The following ZBTB20 variants were observed in gnomAD, a reference collection of about 807,000 sequenced individuals.
ZBTB20 encodes zinc finger and BTB domain-containing protein 20.
In ZBTB20, 9 loss-of-function variants were observed where a neutral mutation model predicts 56.9. The observed-to-expected ratio is 0.16, with a 90% CI of 0.10 to 0.28. ZBTB20 has a LOEUF of 0.28. Among genes scored for constraint, ZBTB20 ranks in the 10% least tolerant of loss-of-function variants. The pLI is 1.00. For synonymous variants in ZBTB20, 417 were observed against 420.7 expected (o/e 0.99, Z 0.11); for missense variants, 655 against 1,003.0 (o/e 0.65, Z 4.69).
At chr3:114,784,678 TA>T (rs1174992803) in intron 5 of ZBTB20, among the ~76,000 whole-genome samples, 1 of 152,198 alleles carries the variant, frequency 6.6e-6, no homozygotes, top group Non-Finnish European at 1.5e-5. Flanking sequence ...TATTAACTTG[TA>T]AAGTTATTGA....
At chr3:114,934,166 C>T (rs2076453077) in intron 3 of ZBTB20, among the ~76,000 whole-genome samples, 1 of 152,166 alleles carries the variant, frequency 6.6e-6, no homozygotes, top group Admixed American at 6.5e-5. Flanking sequence ...AAACCCTACA[C>T]CTATGGATCT....
chr3:114,506,657 C>T (rs1393539619), intron 6 of ZBTB20, among the ~76,000 whole-genome samples: 2 of 152,064 alleles, frequency 1.3e-5, no homozygotes, highest in African/African-American at 4.8e-5. Flanking sequence ...GATTGATGTA[C>T]CAGGACCTTT....
At chr3:114,590,129 A>G (rs2055590777) in intron 6 of ZBTB20, among the ~76,000 whole-genome samples, 1 of 152,208 alleles carries the variant, frequency 6.6e-6, no homozygotes, top group African/African-American at 2.4e-5. Flanking sequence ...GCACTGAACA[A>G]TAAGCTTTAA....
At chr3:114,728,166 G>A (rs2065445876) in intron 5 of ZBTB20, among the ~76,000 whole-genome samples, 2 of 152,138 alleles carry the variant, frequency 1.3e-5, no homozygotes, top group African/African-American at 2.4e-5. Flanking sequence ...AAATTCCTAG[G>A]AGGTCCCAAT....
intron 7 of ZBTB20, among the ~76,000 whole-genome samples, chr3:114,437,709 A>C (rs1008234225): frequency 6.6e-6 from 1 of 152,122 alleles, no homozygotes; most frequent in African/African-American, 2.4e-5. Flanking sequence ...CAAAATATTT[A>C]TTTATATGTA....
intron 5 of ZBTB20, among the ~76,000 whole-genome samples, chr3:114,774,372 G>T (rs990910707): frequency 6.6e-6 from 1 of 152,082 alleles, no homozygotes; most frequent in Non-Finnish European, 1.5e-5. Context: ...CTTCCCTTTT[G>T]TCTTCCATGG....
intron 4 of ZBTB20, among the ~76,000 whole-genome samples, chr3:114,802,858 G>A (rs2071820143): frequency 6.6e-6 from 1 of 151,826 alleles, no homozygotes; most frequent in Non-Finnish European, 1.5e-5. Context: ...GACGTGAAAA[G>A]GTGATAGAAA....
intron 7 of ZBTB20, among the ~76,000 whole-genome samples, chr3:114,407,122 C>A (rs1336936022): frequency 6.6e-6 from 1 of 152,136 alleles, no homozygotes; most frequent in Non-Finnish European, 1.5e-5. Flanking sequence ...CGTCACTGTC[C>A]CAGTTTTTCA....
chr3:114,488,877 T>C (rs1374142835), intron 7 of ZBTB20, among the ~76,000 whole-genome samples: 1 of 152,198 alleles, frequency 6.6e-6, no homozygotes, highest in Non-Finnish European at 1.5e-5. Context: ...GCAACGTTGT[T>C]GTCAAAAGAT....
At chr3:115,050,265 C>T (rs118034840) in intron 2 of ZBTB20, among the ~76,000 whole-genome samples, 2 of 151,942 alleles carry the variant, frequency 1.3e-5, no homozygotes, top group East Asian at 3.9e-4. Flanking sequence ...TGAAAATTAA[C>T]ATTAGTAAAT....
intron 6 of ZBTB20, among the ~76,000 whole-genome samples, chr3:114,629,749 G>C (rs1004228889): frequency 2.0e-5 from 3 of 152,022 alleles, no homozygotes; most frequent in African/African-American, 7.3e-5. Flanking sequence ...GGCCCTGTTT[G>C]GATACAGAGA....
At chr3:114,789,293 G>A (rs2070771937) in intron 5 of ZBTB20, among the ~76,000 whole-genome samples, 1 of 152,154 alleles carries the variant, frequency 6.6e-6, no homozygotes, top group Non-Finnish European at 1.5e-5. Context: ...TGTCTGGTTA[G>A]AGAAGCAGTC....
intron 10 of ZBTB20, among the ~76,000 whole-genome samples, chr3:114,365,438 TG>T (rs2108373189): frequency 6.6e-6 from 1 of 152,350 alleles, no homozygotes; most frequent in Non-Finnish European, 1.5e-5. Flanking sequence ...CTTGTTTCCC[TG>T]GGCCAGCTCT....
intron 10 of ZBTB20, 135 bp downstream of exon 10, chr3:114,380,082 G>C: frequency 1.1e-6 from 1 of 929,796 alleles, no homozygotes; most frequent in East Asian, 2.8e-5. Context: ...GAATGAAAAT[G>C]GTGGCACATT....
At chr3:115,074,483 A>G (rs2082525065) in intron 1 of ZBTB20, among the ~76,000 whole-genome samples, 1 of 152,208 alleles carries the variant, frequency 6.6e-6, no homozygotes, top group African/African-American at 2.4e-5. Flanking sequence ...ACACTGTGCT[A>G]CTAGAATTAG....
intron 5 of ZBTB20, among the ~76,000 whole-genome samples, chr3:114,704,482 G>A (rs768010421): frequency 6.6e-6 from 1 of 151,972 alleles, no homozygotes; most frequent in Admixed American, 6.6e-5. Context: ...AACCATGCAG[G>A]TGCATAAATA....
At chr3:114,689,048 AT>A (rs1345324569) in intron 6 of ZBTB20, among the ~76,000 whole-genome samples, 1 of 152,142 alleles carries the variant, frequency 6.6e-6, no homozygotes, top group East Asian at 1.9e-4. Flanking sequence ...ATAAGTGAAG[AT>A]TTCTTTCGTT....
At chr3:114,734,095 TTG>T (rs2108556372) in intron 5 of ZBTB20, among the ~76,000 whole-genome samples, 1 of 152,102 alleles carries the variant, frequency 6.6e-6, no homozygotes, top group Admixed American at 6.6e-5. Context: ...TGAACCAAAT[TTG>T]TGGTTTTCAA....
At position 114,860,913 on chromosome 3, in the gene ZBTB20, C is replaced by T. The variant is rs146690725; in HGVS notation, c.-417+39391G>A. ...CTTAAGATCTGAAACTGGGAATCGC[C>T]TCATAAGCATGTCTTCCAACCCTAC... On this transcript the variant is annotated intron_variant, in intron 4 of 11. Coordinates refer to ENST00000675478, the MANE Select transcript of ZBTB20 (RefSeq NM_001348800.3). Among the ~76,000 whole-genome samples the T allele has an allele frequency of 2.4e-3, 368 of 152,304 alleles. 1 individual carries two copies. Among genetic ancestry groups the T allele is most frequent in the African/African-American group, 8.4e-3 (349 of 41,570 alleles).
Sources: allele counts gnomAD v4.1 joint callset (sites outside exome capture counted in the v4.1 genomes callset), GRCh38; gene constraint gnomAD v4.1.1; transcripts MANE v1.5; gene names NCBI Gene and HGNC (gene_info 2026-07-23, HGNC 2026-07-21).